The following IL13RA1 variants were observed in gnomAD, a reference collection of about 807,000 sequenced individuals.
IL13RA1 encodes interleukin-13 receptor subunit alpha-1.
IL13RA1 carries 14 observed loss-of-function variants against 33.8 expected under a neutral mutation model. The ratio of observed to expected loss-of-function variants is 0.41; its 90% confidence interval spans 0.27 to 0.65. IL13RA1 has a LOEUF of 0.65. Ranked by LOEUF, IL13RA1 falls within the 30% of genes least tolerant of loss-of-function variation. The pLI is 0.28. For synonymous variants in IL13RA1, 116 were observed against 115.7 expected, an observed-to-expected ratio of 1.00 and a Z score of -0.02; for missense variants, 313 against 327.0, an observed-to-expected ratio of 0.96 and a Z score of 0.33.
At chrX:118,768,280 A>C (rs1483209078) in intron 8 of IL13RA1, among the ~76,000 whole-genome samples, 2 of 112,209 alleles carry the variant, frequency 1.8e-5, no homozygotes, top group Admixed American at 9.4e-5. Flanking sequence ...ATTACTCCAA[A>C]GTTTAATGGC....
downstream of IL13RA1, among the ~76,000 whole-genome samples, chrX:118,795,227 A>AAAAAAAAAG (rs200347606): frequency 1.6e-3 from 150 of 94,895 alleles, 1 homozygote; most frequent in East Asian, 3.5e-3. Context: ...AAAAAAAAAA[A>AAAAAAAAAG]AAAGAAAAAG....
chrX:118,800,944 G>A, the IL13RA1 span, among the ~76,000 whole-genome samples: 22 of 110,948 alleles, frequency 2.0e-4, no homozygotes, highest in Non-Finnish European at 3.8e-4. Flanking sequence ...TTGCCACCAT[G>A]CTCAGCTGTT....
In IL13RA1 at chrX:118,791,323, T is replaced by G. The variant is rs1401648422; in HGVS notation, c.1192-439T>G. ...TAAGACTTTAGGAACATCTTATGTTTTACCATTCATCTCAATGCTACTTGA... is the reference window on the plus strand; with the variant it reads ...TAAGACTTTAGGAACATCTTATGTTGTACCATTCATCTCAATGCTACTTGA... On this transcript the variant is annotated intron_variant, in intron 10 of 10. Coordinates refer to ENST00000371666, the MANE Select transcript of IL13RA1 (RefSeq NM_001560.3). Among the ~76,000 whole-genome samples, 4 of 111,683 alleles carry G rather than the reference T, an allele frequency of 3.6e-5. No homozygotes were observed. In the Admixed American group the frequency reaches 3.8e-4, roughly 11 times the overall value.
intron 3 of IL13RA1, among the ~76,000 whole-genome samples, chrX:118,749,116 G>C (rs1483296867): frequency 9.0e-6 from 1 of 111,694 alleles, no homozygotes; most frequent in Non-Finnish European, 1.9e-5. Context: ...GGGTTTTGCC[G>C]AGTTGGCCAG....
intron 10 of IL13RA1, among the ~76,000 whole-genome samples, chrX:118,779,525 G>A (rs2017820093): frequency 8.9e-6 from 1 of 111,732 alleles, no homozygotes; most frequent in Non-Finnish European, 1.9e-5. Flanking sequence ...CGAGGGGAAG[G>A]AAATGGGTCC....
the IL13RA1 span, among the ~76,000 whole-genome samples, chrX:118,802,445 T>C: frequency 8.9e-6 from 1 of 112,187 alleles, no homozygotes; most frequent in African/African-American, 3.2e-5. Flanking sequence ...TGGCTATAAT[T>C]ACTTGGTAGG....
intron 2 of IL13RA1, among the ~76,000 whole-genome samples, chrX:118,743,575 A>C (rs2017370281): frequency 8.9e-6 from 1 of 111,997 alleles, no homozygotes; most frequent in South Asian, 3.7e-4. Context: ...CCATTAGGCA[A>C]ACTAATCAAA....
At chrX:118,739,425 C>T (rs2017318995) in intron 1 of IL13RA1, among the ~76,000 whole-genome samples, 1 of 111,728 alleles carries the variant, frequency 9.0e-6, no homozygotes, top group South Asian at 3.7e-4. Flanking sequence ...GTAACAGGCC[C>T]AGTGCACTCC....
At chrX:118,769,722 C>T (rs760197479) in intron 8 of IL13RA1, 1 of 113,883 alleles carries the variant, frequency 8.8e-6, no homozygotes, top group East Asian at 2.8e-4. Context: ...CCATGAGCAT[C>T]CCCTGGGCTC....
In IL13RA1 at chrX:118,793,374, T is replaced by C. The variant is rs1326179256; in HGVS notation, c.*1520T>C. ...AAAGAATAGTTGAACCTATTTCTCT[T>C]TCTTTACAAGATGGGTCCAGGATTC... is the stretch of plus-strand genomic sequence containing the variant. On this transcript the variant is annotated 3_prime_UTR_variant, in exon 11 of 11. Coordinates refer to ENST00000371666, the MANE Select transcript of IL13RA1 (RefSeq NM_001560.3). 8.9e-6 allele frequency: 1 copy of C among 112,503 alleles called. No individual in the cohort carries two copies. Among genetic ancestry groups the C allele is most frequent in the Non-Finnish European group, 1.9e-5 (1 of 53,291 alleles). 9.3% of individuals were successfully genotyped at this position (112,503 alleles called of 1,213,427 possible).
At chrX:118,746,369 C>T (rs961233951) in intron 2 of IL13RA1, among the ~76,000 whole-genome samples, 1 of 111,581 alleles carries the variant, frequency 9.0e-6, no homozygotes, top group Non-Finnish European at 1.9e-5. Context: ...CCTGCCTCAG[C>T]CTCCCAAAGT....
chrX:118,773,835 G>C lies in IL13RA1; in HGVS notation c.1010-44G>C, dbSNP rs189278414. On this transcript the variant is annotated intron_variant, in intron 8 of 10. Transcript: ENST00000371666. ...ATTGCTGCTTGGTTTATTACTAAAAGGGTTTTATTTCTCAAGTCTTTCTGT... is the reference window on the plus strand; with the variant it reads ...ATTGCTGCTTGGTTTATTACTAAAACGGTTTTATTTCTCAAGTCTTTCTGT... 3.3e-3 allele frequency: 2,134 copies of C among 640,335 alleles called. 16 individuals are homozygous for C. The Middle Eastern group carries it at 0.036, about 11-fold the overall frequency. 52.8% of individuals were successfully genotyped at this position (640,335 alleles called of 1,213,427 possible).
chrX:118,798,824 C>A (rs1014481175), downstream of IL13RA1, among the ~76,000 whole-genome samples: 1 of 112,914 alleles, frequency 8.9e-6, no homozygotes, highest in African/African-American at 3.2e-5. Flanking sequence ...TCGCTCTCGG[C>A]GCCTCCTCTG....
intron 10 of IL13RA1, among the ~76,000 whole-genome samples, chrX:118,781,560 C>A (rs2017843679): frequency 8.9e-6 from 1 of 111,889 alleles, no homozygotes; most frequent in Non-Finnish European, 1.9e-5. Flanking sequence ...CCATGTTGGC[C>A]AGGCTGGTCT....
chrX:118,771,417 A>T (rs1433260805), intron 8 of IL13RA1, among the ~76,000 whole-genome samples: 1 of 112,290 alleles, frequency 8.9e-6, no homozygotes, highest in East Asian at 2.8e-4. Flanking sequence ...GGAGGCACCA[A>T]CCCCAGAGAT....
At chrX:118,788,305 G>A (rs1326027265) in intron 10 of IL13RA1, among the ~76,000 whole-genome samples, 1 of 111,586 alleles carries the variant, frequency 9.0e-6, no homozygotes, top group African/African-American at 3.3e-5. Flanking sequence ...CATCTTCTTC[G>A]CAGAATTTTT....
At chrX:118,765,298 G>T (rs1253315046) in intron 6 of IL13RA1, among the ~76,000 whole-genome samples, 2 of 107,634 alleles carry the variant, frequency 1.9e-5, no homozygotes, top group African/African-American at 6.8e-5. Context: ...TAGAGACGAG[G>T]TTTCGCCATG....
Position 118,758,156 on chromosome X carries a change from T to C in IL13RA1, c.590T>C (p.Phe197Ser). 8.7e-7 allele frequency: 1 copy of C among 1,144,241 alleles called. No individual in the cohort carries two copies. Among genetic ancestry groups the C allele is most frequent in the Non-Finnish European group, 1.2e-6 (1 of 836,494 alleles). 94.3% of individuals were successfully genotyped at this position (1,144,241 alleles called of 1,213,427 possible). Residue 197 changes from phenylalanine (F) to serine (S), a missense_variant, in exon 5 of 11, where the codon TTT becomes TCT. Coordinates refer to ENST00000371666, the MANE Select transcript of IL13RA1 (RefSeq NM_001560.3). The part of the protein sequence containing the change: ...FDLTKVKDSS[F>S]EQHSVQIMVK... ...CTGACCAAAGTGAAGGATTCCAGTT[T>C]TGAACAACACAGTGTCCAAATAATG...
At chrX:118,785,955 A>G (rs2495631) in intron 10 of IL13RA1, among the ~76,000 whole-genome samples, 1 of 110,502 alleles carries the variant, frequency 9.0e-6, no homozygotes, top group Non-Finnish European at 1.9e-5. Context: ...TTCTACATTG[A>G]TTACTTTTTT....
Sources: allele counts gnomAD v4.1 joint callset (sites outside exome capture counted in the v4.1 genomes callset), GRCh38; gene constraint gnomAD v4.1.1; transcripts MANE v1.5; gene names NCBI Gene and HGNC (gene_info 2026-07-23, HGNC 2026-07-21).